The following SNX17 variants were observed in gnomAD, a reference collection of about 807,000 sequenced individuals.
SNX17 encodes the protein sorting nexin-17.
In SNX17, 35 loss-of-function variants were observed where a neutral mutation model predicts 64.3. The observed-to-expected ratio is 0.54, with a 90% CI of 0.42 to 0.72. The LOEUF is 0.72. Ranked by LOEUF, SNX17 falls within the 30% of genes least tolerant of loss-of-function variation. SNX17 has a pLI of 0.00. For synonymous variants in SNX17, 259 were observed against 230.2 expected (o/e 1.13, Z -1.13); for missense variants, 538 against 610.0 (o/e 0.88, Z 1.24).
rs762780864 is a variant in SNX17 at position 27,372,661 on chromosome 2, C to T, written c.177C>T (p.Phe59=). The T allele has an allele frequency of 1.2e-6, 2 of 1,614,120 alleles. No individual in the cohort carries two copies. Among genetic ancestry groups the T allele is most frequent in the Non-Finnish European group, 1.7e-6 (2 of 1,179,984 alleles). Residue 59 remains phenylalanine, a synonymous_variant, in exon 3 of 15, where the codon TTC becomes TTT. Transcript: ENST00000233575. The stretch of plus-strand genomic sequence containing the variant: ...ATGGGGCCAATGTGCTTCCTGCATT[C>T]CCCCCAAAGAAGCTTTTCTCTCTGA... ...KEYGANVLPA[F]PPKKLFSLTP...
chr2:27,372,731 A>C lies in SNX17; in HGVS notation c.247A>C (p.Met83Leu). ...GAGGAGAGAGCAGTTAGAGAAGTAC[A>C]TGCAAGCTGGTGAGTGGTTGCAGGA... ...EQRREQLEKY[M>L]QAVRQDPLLG... The change falls in exon 3 of 15, where the codon ATG (methionine) becomes CTG (leucine). Residue 83 changes from methionine (M) to leucine (L), a missense_variant. This residue lies in a region of SNX17 where 505 missense variants were observed against 550.4 expected (regional missense o/e 0.92). Coordinates refer to ENST00000233575, the MANE Select transcript of SNX17 (RefSeq NM_014748.4). 1 of 1,614,180 alleles carries C rather than the reference A, an allele frequency of 6.2e-7. No homozygotes were observed. Among genetic ancestry groups the C allele is most frequent in the South Asian group, 1.1e-5 (1 of 91,084 alleles).
chr2:27,374,086 C>A lies in SNX17; in HGVS notation c.434C>A (p.Ala145Asp), dbSNP rs1335652263. 5 of 1,614,088 alleles carry A rather than the reference C, an allele frequency of 3.1e-6. No individual in the cohort carries two copies. The highest frequency in any genetic ancestry group is 3.3e-4 in the Middle Eastern group (2 of 6,060). The change falls in exon 6 of 15, where the codon GCT (alanine) becomes GAT (aspartate). Residue 145 changes from alanine (A) to aspartate (D), a missense_variant and splice_region_variant. By Grantham distance (126) the Ala-to-Asp change is moderately radical. Coordinates refer to ENST00000233575, the MANE Select transcript of SNX17 (RefSeq NM_014748.4). The part of the protein sequence containing the change: ...TSDQTEDVLE[A>D]VAAKLDLPDD... ...CTGTACTTCTATCCCTATCCCCAGG[C>A]TGTAGCTGCAAAGCTGGATCTTCCA...
At chr2:27,371,486 C>G (rs770868719) in intron 2 of SNX17, 143 bp downstream of exon 2, 1 of 1,398,270 alleles carries the variant, frequency 7.2e-7, no homozygotes, top group Admixed American at 3.3e-5. Flanking sequence ...CCTGGTTTAT[C>G]TTGTCTGACA....
At position 27,375,888 on chromosome 2, in the gene SNX17, C is replaced by T. The variant is rs748651941; in HGVS notation, c.1021C>T (p.Arg341Trp). 21 of 1,614,018 alleles carry T rather than the reference C, an allele frequency of 1.3e-5. No individual in the cohort carries two copies. The highest frequency in any genetic ancestry group is 1.3e-5 in the Non-Finnish European group (15 of 1,180,036). Residue 341 changes from arginine to tryptophan, a missense_variant, in exon 11 of 15, where the codon CGG becomes TGG. By Grantham distance (101) the Arg-to-Trp change is moderately radical. Around this residue, in one of 3 missense-constraint regions of SNX17, gnomAD observed 505 missense variants for 550.4 expected, o/e 0.92. Transcript: ENST00000233575. This position sits in a 1 kb window ranked among gnomAD's most constrained non-coding sequence, Gnocchi z 4.1. ...AAGCACGAGCAGCCCAGGCCGGGGC[C>T]GGGGTGAGGTGCGCCTGGAACTGGC... ...SGSTSSPGRG[R>W]GEVRLELAFE...
rs547671918 is a variant in SNX17 at position 27,372,966 on chromosome 2, A to G, written c.256+226A>G. The stretch of plus-strand genomic sequence containing the variant: ...CTATGAGAAATACTAGTATAACACT[A>G]GTCTTAATATCAGTGGAGAGAACTT... On this transcript the variant is annotated intron_variant, in intron 3 of 14. Coordinates refer to ENST00000233575, the MANE Select transcript of SNX17 (RefSeq NM_014748.4). The G allele has an allele frequency of 1.5e-3, 2,106 of 1,374,098 alleles. 8 individuals carry two copies. Among genetic ancestry groups the G allele is most frequent in the Admixed American group, 2.1e-3 (105 of 50,672 alleles). The allele number at this position is 1,374,098 out of a possible 1,614,324, so 85.1% of individuals were successfully genotyped here.
chr2:27,375,497 A>G lies in SNX17; in HGVS notation c.775-9A>G. On this transcript the variant is annotated splice_polypyrimidine_tract_variant and intron_variant, in intron 9 of 14. Transcript: ENST00000233575. This position sits in a 1 kb window ranked among gnomAD's most constrained non-coding sequence, Gnocchi z 4.1. ...CCTAATCTACCCCCATGTGATGACC[A>G]TTTTTCAGTTCCTGAGACTGGCCCA... is the stretch of plus-strand genomic sequence containing the variant. 2 of 1,613,672 alleles carry G rather than the reference A, an allele frequency of 1.2e-6. No individual in the cohort carries two copies. Among genetic ancestry groups the G allele is most frequent in the Non-Finnish European group, 1.7e-6 (2 of 1,179,950 alleles).
In SNX17 at chr2:27,375,406, G is replaced by A. The variant is rs1035407940; in HGVS notation, c.775-100G>A. The A allele has an allele frequency of 2.4e-6, 3 of 1,256,300 alleles. No individual in the cohort carries two copies. In the African/African-American group the frequency reaches 4.4e-5, roughly 18 times the overall value. 77.8% of individuals were successfully genotyped at this position (1,256,300 alleles called of 1,614,324 possible). ...GTCTGCCTCTGCCTCCTAAAGTGCT[G>A]GGATTATAGGCATGAGCCACCGCGC... is the stretch of plus-strand genomic sequence containing the variant. On this transcript the variant is annotated intron_variant, in intron 9 of 14. Coordinates refer to ENST00000233575, the MANE Select transcript of SNX17 (RefSeq NM_014748.4). This position sits in a 1 kb window ranked among gnomAD's most constrained non-coding sequence, Gnocchi z 4.1.
In SNX17 at chr2:27,375,670, C is replaced by T. The variant is rs377204450; in HGVS notation, c.939C>T (p.Phe313=). ...LPGQQLREGS[F]RVTRMRCWRV... ...GCCAGCAACTCCGAGAAGGCTCCTT[C>T]CGGGTCACCCGCATGCGATGCTGGC... The change falls in exon 10 of 15, where the codon TTC becomes TTT. Residue 313 remains phenylalanine, a synonymous_variant. Transcript: ENST00000233575. This position sits in a 1 kb window ranked among gnomAD's most constrained non-coding sequence, Gnocchi z 4.1. 17 of 1,614,070 alleles carry T rather than the reference C, an allele frequency of 1.1e-5. No homozygotes were observed. The highest frequency in any genetic ancestry group is 1.4e-5 in the Non-Finnish European group (16 of 1,180,050).
At chr2:27,371,245 G>T in intron 1 of SNX17, 24 bp from the exon 2 acceptor site, 2 of 1,611,158 alleles carry the variant, frequency 1.2e-6, no homozygotes, top group South Asian at 1.1e-5. Flanking sequence ...ACCCTAAAAT[G>T]CTTGACTACT....
chr2:27,375,331 G>A lies in SNX17; in HGVS notation c.775-175G>A, dbSNP rs563686682. 2.0e-5 allele frequency among the ~76,000 whole-genome samples: 3 copies of A among 152,118 alleles called. No individual in the cohort carries two copies. Among genetic ancestry groups the A allele is most frequent in the Non-Finnish European group, 4.4e-5 (3 of 68,040 alleles). On this transcript the variant is annotated intron_variant, in intron 9 of 14. Coordinates refer to ENST00000233575, the MANE Select transcript of SNX17 (RefSeq NM_014748.4). The surrounding 1 kb of genome is among the most constrained non-coding windows in gnomAD (Gnocchi z 4.1). The stretch of plus-strand genomic sequence containing the variant: ...TTTTTTGTATTTTTGGGAGAGACAG[G>A]GTTTCACCATGTTAGCCAGGATGGT...
At chr2:27,371,708 A>G (rs1204049245) in intron 2 of SNX17, 1 of 191,662 alleles carries the variant, frequency 5.2e-6, no homozygotes, top group Admixed American at 5.5e-5. Context: ...CCCTGCTTAT[A>G]CAAACGATTC....
intron 4 of SNX17, 47 bp downstream of exon 4, chr2:27,373,358 A>G: frequency 6.3e-7 from 1 of 1,594,530 alleles, no homozygotes; most frequent in Non-Finnish European, 8.6e-7. Flanking sequence ...ACCTTGCTGG[A>G]AGGTCATGTC....
chr2:27,376,665 C>G lies in SNX17; in HGVS notation c.1359C>G (p.Ala453=). ...GCAGTCCCAGCACAGATGCCAGTGC[C>G]AGTGATGTCCACGGCAATTTCGCCT... ...GIGSPSTDAS[A]SDVHGNFAFE... The change falls in exon 15 of 15, where the codon GCC becomes GCG. Residue 453 remains alanine, a synonymous_variant. Coordinates refer to ENST00000233575, the MANE Select transcript of SNX17 (RefSeq NM_014748.4). 1.2e-6 allele frequency: 2 copies of G among 1,614,190 alleles called. No homozygotes were observed. The highest frequency in any genetic ancestry group is 1.7e-6 in the Non-Finnish European group (2 of 1,180,036).
Position 27,375,434 on chromosome 2 carries a change from GAC to G in SNX17, c.775-71_775-70del. 6.4e-7 allele frequency: 1 copy of G among 1,555,060 alleles called. No homozygotes were observed. The highest frequency in any genetic ancestry group is 2.2e-5 in the East Asian group (1 of 44,496). On this transcript the variant is annotated intron_variant, in intron 9 of 14. Coordinates refer to ENST00000233575, the MANE Select transcript of SNX17 (RefSeq NM_014748.4). The surrounding 1 kb of genome is among the most constrained non-coding windows in gnomAD (Gnocchi z 4.1). ...ATTATAGGCATGAGCCACCGCGCCCGACCGGGGTTGCTTTTTCTGAGCTGCCC... is the reference window on the plus strand; with the variant it reads ...ATTATAGGCATGAGCCACCGCGCCCGCGGGGTTGCTTTTTCTGAGCTGCCC...
intron 3 of SNX17, 50 bp downstream of exon 3, chr2:27,372,790 A>G (rs1301817479): frequency 6.2e-7 from 1 of 1,609,154 alleles, no homozygotes; most frequent in Admixed American, 1.7e-5. Context: ...CTATGGGGAG[A>G]GACTTAAAAA....
rs1050521 is a variant in SNX17, at chr2:27,376,860, C to T, written c.*141C>T. The T allele has an allele frequency of 1.6e-5, 11 of 670,716 alleles. No individual in the cohort carries two copies. Among genetic ancestry groups the T allele is most frequent in the East Asian group, 5.4e-5 (2 of 36,932 alleles). 41.5% of individuals were successfully genotyped at this position (670,716 alleles called of 1,614,324 possible). A position where few individuals can be genotyped will look rare whatever the true frequency, so the allele number is the denominator to read the frequency against. On this transcript the variant is annotated 3_prime_UTR_variant, in exon 15 of 15. Coordinates refer to ENST00000233575, the MANE Select transcript of SNX17 (RefSeq NM_014748.4). ...CCCCTTTTCTCTTGGCCAGGGGCCT[C>T]GTATCCTACCTTTCCTTGTCCCCTG...
At position 27,370,622 on chromosome 2, in the gene SNX17, A is replaced by G. The variant is rs1558298070; in HGVS notation, c.-122A>G. On this transcript the variant is annotated 5_prime_UTR_variant, in exon 1 of 15. Coordinates refer to ENST00000233575, the MANE Select transcript of SNX17 (RefSeq NM_014748.4). ...ACGTCCCACCGCCTTCCCACATCGG[A>G]TCGCAGGGCTCCCAAAATGGCGAGT... The G allele has an allele frequency of 6.9e-7, 1 of 1,454,600 alleles. No homozygotes were observed. Among genetic ancestry groups the G allele is most frequent in the Non-Finnish European group, 9.1e-7 (1 of 1,103,180 alleles). The allele number at this position is 1,454,600 out of a possible 1,614,324, so 90.1% of individuals were successfully genotyped here.
In SNX17 at chr2:27,375,967, C is replaced by A. The variant is rs751708348; in HGVS notation, c.1100C>A (p.Pro367His). ...DRLQWVTITS[P>H]QAIMMSICLQ... is the part of the protein sequence containing the mutation. The stretch of plus-strand genomic sequence containing the variant: ...CTACAGTGGGTCACCATCACTAGCC[C>A]CCAGGTGTGAACCTACCCTCAGCCC... The change falls in exon 11 of 15, where the codon CCC becomes CAC. Residue 367 changes from proline (P) to histidine (H), a missense_variant. Physicochemically the swap from Pro to His is moderately conservative, Grantham distance 77. Transcript: ENST00000233575. The surrounding 1 kb of genome is among the most constrained non-coding windows in gnomAD (Gnocchi z 4.1). 5.0e-6 allele frequency: 8 copies of A among 1,613,970 alleles called. No homozygotes were observed. In the South Asian group the frequency reaches 8.8e-5, roughly 18 times the overall value.
Position 27,376,145 on chromosome 2 carries a change from G to A in SNX17, c.1144G>A (p.Glu382Lys). 6.2e-7 allele frequency: 1 copy of A among 1,614,120 alleles called. No homozygotes were observed. Among genetic ancestry groups the A allele is most frequent in the Non-Finnish European group, 8.5e-7 (1 of 1,180,024 alleles). The change falls in exon 12 of 15, where the codon GAA becomes AAA. Residue 382 changes from glutamate to lysine, a missense_variant. Transcript: ENST00000233575. ...CATCTGCTTGCAGTCCATGGTTGATGAACTGATGGTGAAGAAATCTGGCGG... is the reference window on the plus strand; with the variant it reads ...CATCTGCTTGCAGTCCATGGTTGATAAACTGATGGTGAAGAAATCTGGCGG... The part of the protein sequence containing the change: ...MSICLQSMVD[E>K]LMVKKSGGSI...
Sources: allele counts gnomAD v4.1 joint callset (sites outside exome capture counted in the v4.1 genomes callset), GRCh38; gene constraint gnomAD v4.1.1; regional missense constraint gnomAD v4.1.1; non-coding constraint Gnocchi (gnomAD v3.1); transcripts MANE v1.5; gene names NCBI Gene and HGNC (gene_info 2026-07-23, HGNC 2026-07-21).